SPPL2A: variants seen among roughly 807,000 people sequenced by gnomAD.
SPPL2A encodes the protein signal peptide peptidase-like 2A.
Under a neutral mutation model 63.8 loss-of-function variants are expected in SPPL2A, and 51 were observed. That is an observed-to-expected ratio of 0.80 (90% confidence interval 0.64 to 1.01). The LOEUF is 1.01. Ranked by LOEUF, SPPL2A falls within the 50% of genes least tolerant of loss-of-function variation. SPPL2A has a pLI of 0.00. For missense variants in SPPL2A, 553 were observed against 622.7 expected (o/e 0.89, Z 1.19); for synonymous variants, 188 against 205.8 (o/e 0.91, Z 0.74).
chr15:50,763,620 C>G (rs746223536), intron 1 of SPPL2A, among the ~76,000 whole-genome samples: 1 of 152,104 alleles, frequency 6.6e-6, no homozygotes, highest in African/African-American at 2.4e-5. Context: ...CTAAAATCGC[C>G]GGGCATGGTG....
chr15:50,742,321 C>G (rs1044236887), intron 5 of SPPL2A, among the ~76,000 whole-genome samples: 2 of 151,874 alleles, frequency 1.3e-5, no homozygotes, highest in African/African-American at 4.8e-5. Flanking sequence ...ACCCAGGAGG[C>G]GGAGGTTGCA....
intron 8 of SPPL2A, among the ~76,000 whole-genome samples, chr15:50,733,052 ATAT>A (rs2062743417): frequency 6.6e-6 from 1 of 152,194 alleles, no homozygotes; most frequent in Admixed American, 6.5e-5. Context: ...AGAATAATGA[ATAT>A]TATTACACTA....
chr15:50,710,299 C>T (rs1445786151), intron 14 of SPPL2A, among the ~76,000 whole-genome samples: 3 of 152,162 alleles, frequency 2.0e-5, no homozygotes, highest in African/African-American at 7.2e-5. Flanking sequence ...TCAGTCCCAT[C>T]TAACTTGCCT....
At chr15:50,726,142 A>C (rs1255763391) in intron 11 of SPPL2A, 179 bp downstream of exon 11, 1 of 1,523,340 alleles carries the variant, frequency 6.6e-7, no homozygotes, top group Non-Finnish European at 8.8e-7. Context: ...ATGAAACCCA[A>C]GTCAATAGGT....
At chr15:50,763,036 C>A (rs1284943326) in intron 1 of SPPL2A, among the ~76,000 whole-genome samples, 1 of 151,976 alleles carries the variant, frequency 6.6e-6, no homozygotes, top group African/African-American at 2.4e-5. Flanking sequence ...AGCCACCACG[C>A]CCGGACAAGT....
At chr15:50,724,768 T>G in intron 12 of SPPL2A, among the ~76,000 whole-genome samples, 1 of 152,346 alleles carries the variant, frequency 6.6e-6, no homozygotes, top group Non-Finnish European at 1.5e-5. Context: ...CACTATAAAC[T>G]GTGTCTTTTT....
At chr15:50,754,508 C>T (rs1453276802) in intron 1 of SPPL2A, among the ~76,000 whole-genome samples, 3 of 152,048 alleles carry the variant, frequency 2.0e-5, no homozygotes. Context: ...ATACTATCGG[C>T]TTATACATTT....
At chr15:50,738,140 T>C (rs986363428) in intron 6 of SPPL2A, among the ~76,000 whole-genome samples, 1 of 151,812 alleles carries the variant, frequency 6.6e-6, no homozygotes, top group African/African-American at 2.4e-5. Context: ...ACCCAGATTG[T>C]GCCACTGCAC....
rs1450295778 is a variant in SPPL2A, at chr15:50,705,558, G to A, written c.*2242C>T. 1 of 152,050 alleles carries A rather than the reference G, an allele frequency of 6.6e-6. No individual in the cohort carries two copies. The highest frequency in any genetic ancestry group is 1.5e-5 in the Non-Finnish European group (1 of 68,004). The allele number at this position is 152,050 out of a possible 1,614,324, so 9.4% of individuals were successfully genotyped here. A position where few individuals can be genotyped will look rare whatever the true frequency, so the allele number is the denominator to read the frequency against. On this transcript the variant is annotated 3_prime_UTR_variant, in exon 15 of 15. Transcript: ENST00000261854. ...CACTTAATCTGTTCTCTCTCTCAGA[G>A]TCTGCCAAATAAATCAGATTTCTTG...
chr15:50,740,376 G>C (rs2062809270), intron 5 of SPPL2A, among the ~76,000 whole-genome samples: 1 of 136,912 alleles, frequency 7.3e-6, no homozygotes, highest in Non-Finnish European at 1.5e-5. Context: ...GTGGTGACCT[G>C]AGATCGTGCC....
intron 14 of SPPL2A, among the ~76,000 whole-genome samples, chr15:50,713,939 T>C (rs911279162): frequency 6.6e-6 from 1 of 152,142 alleles, no homozygotes; most frequent in African/African-American, 2.4e-5. Flanking sequence ...CCCTCTGAAA[T>C]AGGTTGTTAT....
chr15:50,715,649 C>T lies in SPPL2A; in HGVS notation c.1488+4291G>A, dbSNP rs1255740631. Reference sequence around the variant, plus strand: ...GTTAGAAAAAGGACTCCCATTTTTACTTTAGACACTTTTGTATTGCTTATT... The same window carrying T: ...GTTAGAAAAAGGACTCCCATTTTTATTTTAGACACTTTTGTATTGCTTATT... On this transcript the variant is annotated intron_variant, in intron 14 of 14. Transcript: ENST00000261854. Among the ~76,000 whole-genome samples the T allele has an allele frequency of 2.6e-5, 4 of 152,058 alleles. No homozygotes were observed. The East Asian group carries it at 5.8e-4, about 22-fold the overall frequency.
chr15:50,760,165 A>C (rs891548447), intron 1 of SPPL2A, among the ~76,000 whole-genome samples: 1 of 152,230 alleles, frequency 6.6e-6, no homozygotes, highest in African/African-American at 2.4e-5. Flanking sequence ...CAGTTGGGCC[A>C]GTATCTAGTG....
At chr15:50,722,062 CT>C (rs2062652333) in intron 13 of SPPL2A, 61 bp downstream of exon 13, 1 of 919,694 alleles carries the variant, frequency 1.1e-6, no homozygotes, top group Non-Finnish European at 1.8e-6. Context: ...ATTTTTAGAC[CT>C]CTGTCTTTTC....
chr15:50,754,195 CAT>C (rs573462102), intron 1 of SPPL2A, among the ~76,000 whole-genome samples: 21 of 152,312 alleles, frequency 1.4e-4, no homozygotes, highest in Non-Finnish European at 2.6e-4. Flanking sequence ...TTATCCTACA[CAT>C]GTGTAGCCTC....
At position 50,707,752 on chromosome 15, in the gene SPPL2A, G is replaced by A. The variant is rs1397383419; in HGVS notation, c.*48C>T. On this transcript the variant is annotated 3_prime_UTR_variant, in exon 15 of 15. Coordinates refer to ENST00000261854, the MANE Select transcript of SPPL2A (RefSeq NM_032802.4). ...TCAAAAGTCAATTTAAAAAGTCGAA[G>A]TCTATTTGTAGAAAATCAATGACAC... is the stretch of plus-strand genomic sequence containing the variant. 8 of 963,614 alleles carry A rather than the reference G, an allele frequency of 8.3e-6. No individual in the cohort carries two copies. The highest frequency in any genetic ancestry group is 1.0e-5 in the Non-Finnish European group (6 of 602,882). 59.7% of individuals were successfully genotyped at this position (963,614 alleles called of 1,614,324 possible). A position where few individuals can be genotyped will look rare whatever the true frequency, so the allele number is the denominator to read the frequency against.
intron 10 of SPPL2A, 98 bp from the exon 11 acceptor site, chr15:50,726,475 C>A (rs2062689401): frequency 8.9e-7 from 1 of 1,119,432 alleles, no homozygotes; most frequent in Non-Finnish European, 1.3e-6. Flanking sequence ...TGGCCAGTTA[C>A]ACTGATTGAA....
At chr15:50,734,122 A>T (rs1047625154) in intron 8 of SPPL2A, among the ~76,000 whole-genome samples, 1 of 152,178 alleles carries the variant, frequency 6.6e-6, no homozygotes, top group Non-Finnish European at 1.5e-5. Context: ...TTACCATATG[A>T]TCCAGCAATC....
rs1344156050 is a variant in SPPL2A, at chr15:50,739,734, C to A, written c.679G>T (p.Val227Leu). 2 of 1,602,628 alleles carry A rather than the reference C, an allele frequency of 1.2e-6. No homozygotes were observed. Among genetic ancestry groups the A allele is most frequent in the East Asian group, 2.3e-5 (1 of 43,958 alleles). Residue 227 changes from valine (V) to leucine (L), a missense_variant, in exon 6 of 15, where the codon GTG becomes TTG. Val to Leu is a conservative substitution (Grantham distance 32). Coordinates refer to ENST00000261854, the MANE Select transcript of SPPL2A (RefSeq NM_032802.4). ...ACCATCATAACACAGCAGATGACCA[C>A]AAATATTACAACTGTAAGAGGACTA... ...TFSPLTVVIFVVICCVMMVLL... is the reference protein window; with the variant it reads ...TFSPLTVVIFLVICCVMMVLL...
Sources: gnomAD v4.1 joint callset for allele counts (sites outside exome capture counted in the v4.1 genomes callset) on GRCh38, gnomAD v4.1.1 for gene constraint, MANE v1.5 for transcripts, NCBI Gene and HGNC (gene_info 2026-07-23, HGNC 2026-07-21) for gene names.